Variants in NFX1 observed in about 807,000 individuals in gnomAD.
NFX1 encodes the protein nuclear transcription factor, X-box binding 1.
A neutral mutation model predicts 137.2 loss-of-function variants in NFX1; 69 were observed. The ratio of observed to expected loss-of-function variants is 0.50; its 90% CI spans 0.41 to 0.61. The LOEUF (loss-of-function observed/expected upper bound fraction) is 0.61, where lower values mean the gene tolerates loss of function less well. Ranked by LOEUF, NFX1 falls within the 20% of genes least tolerant of loss-of-function variation. NFX1 has a pLI of 0.00. For missense variants in NFX1, 1,167 were observed against 1,391.0 expected, an observed-to-expected ratio of 0.84 and a Z score of 2.56; for synonymous variants, 495 against 474.1, an observed-to-expected ratio of 1.04 and a Z score of -0.57.
intron 9 of NFX1, among the ~76,000 whole-genome samples, chr9:33,321,478 G>C (rs1822381550): frequency 6.6e-6 from 1 of 150,884 alleles, no homozygotes; most frequent in Admixed American, 6.6e-5. Context: ...CACAGCTTCA[G>C]TATAAGAGAC....
chr9:33,293,492 C>G (rs1821234572), intron 1 of NFX1, among the ~76,000 whole-genome samples: 1 of 152,204 alleles, frequency 6.6e-6, no homozygotes, highest in African/African-American at 2.4e-5. Context: ...GAGGTTGTTA[C>G]TATCTTCATT....
At position 33,307,297 on chromosome 9, in the gene NFX1, C is replaced by A. The variant is rs761334335; in HGVS notation, c.1374C>A (p.Asn458Lys). 6.2e-7 allele frequency: 1 copy of A among 1,612,720 alleles called. No homozygotes were observed. ...GCCAGGACTGCCCACATTCCTGTAA[C>A]CTGTAAGTTGGAATGCTAATTCCGT... ...QPGQDCPHSCNLLCHPGPCPP... is the reference protein window; with the variant it reads ...QPGQDCPHSCKLLCHPGPCPP... The change falls in exon 5 of 24, where the codon AAC becomes AAA. Residue 458 changes from asparagine (N) to lysine (K), a missense_variant and splice_region_variant. Coordinates refer to ENST00000379540, the MANE Select transcript of NFX1 (RefSeq NM_002504.6).
intron 1 of NFX1, among the ~76,000 whole-genome samples, chr9:33,294,093 C>T (rs831287): frequency 0.81 from 123,763 of 152,164 alleles, 50,497 homozygotes; most frequent in Non-Finnish European, 0.84. Context: ...ATGATTGATA[C>T]CCCTGAACTG....
chr9:33,310,854 T>C (rs867138434), intron 5 of NFX1, among the ~76,000 whole-genome samples: 1 of 152,236 alleles, frequency 6.6e-6, no homozygotes, highest in African/African-American at 2.4e-5. Flanking sequence ...CAGACCCAAA[T>C]ATAACCAGTA....
chr9:33,291,293 C>G (rs914380503), intron 1 of NFX1, among the ~76,000 whole-genome samples: 5 of 152,208 alleles, frequency 3.3e-5, no homozygotes, highest in African/African-American at 1.2e-4. Flanking sequence ...GCATCGCGAC[C>G]TTAAATATTG....
intron 6 of NFX1, among the ~76,000 whole-genome samples, chr9:33,311,663 C>G (rs1047171333): frequency 6.6e-6 from 1 of 152,126 alleles, no homozygotes; most frequent in Non-Finnish European, 1.5e-5. Context: ...AGCAATTCTC[C>G]TGCCTCAGCC....
chr9:33,318,538 C>T (rs80316528), intron 7 of NFX1, among the ~76,000 whole-genome samples, 193 bp from the exon 8 acceptor site: 3,753 of 152,222 alleles, frequency 0.025, 88 homozygotes, highest in Middle Eastern at 0.044. Context: ...AGCTCTTAGG[C>T]GGGTCTTAGA....
chr9:33,328,163 A>T (rs1433847051), intron 9 of NFX1, among the ~76,000 whole-genome samples: 2 of 149,778 alleles, frequency 1.3e-5, no homozygotes, highest in African/African-American at 4.9e-5. Flanking sequence ...GGCCTGCATC[A>T]CCACTCCTGG....
intron 11 of NFX1, among the ~76,000 whole-genome samples, chr9:33,335,885 A>G (rs1272064593): frequency 1.3e-5 from 2 of 152,162 alleles, no homozygotes; most frequent in African/African-American, 4.8e-5. Flanking sequence ...ATTCCTTTTT[A>G]TGATTGAATA....
At chr9:33,358,590 T>C (rs1823889420) in intron 19 of NFX1, among the ~76,000 whole-genome samples, 1 of 151,072 alleles carries the variant, frequency 6.6e-6, no homozygotes, top group Admixed American at 6.6e-5. Flanking sequence ...ATTTATGTGC[T>C]TCAGCAGGCA....
intron 7 of NFX1, 35 bp downstream of exon 7, chr9:33,313,828 G>A (rs1428483575): frequency 6.3e-7 from 1 of 1,597,042 alleles, no homozygotes; most frequent in Non-Finnish European, 8.6e-7. Context: ...CAATGCTTGT[G>A]TTCTTTTCTG....
Position 33,290,547 on chromosome 9 carries a change from G to C in NFX1, c.-26G>C, listed in dbSNP as rs1459529326. On this transcript the variant is annotated 5_prime_UTR_variant, in exon 1 of 24. Transcript: ENST00000379540. Reference sequence around the variant, plus strand: ...GTGACAGTGCTGACTTGGCTGTACAGCTCGATCTAGGTTCTGCGGCACGGG... The same window carrying C: ...GTGACAGTGCTGACTTGGCTGTACACCTCGATCTAGGTTCTGCGGCACGGG... 1 of 1,613,802 alleles carries C rather than the reference G, an allele frequency of 6.2e-7. No individual in the cohort carries two copies. Among genetic ancestry groups the C allele is most frequent in the Non-Finnish European group, 8.5e-7 (1 of 1,179,960 alleles).
In NFX1 at chr9:33,344,573, A is replaced by C. The variant is rs746009136; in HGVS notation, c.2344+385A>C. 3.1e-4 allele frequency among the ~76,000 whole-genome samples: 47 copies of C among 152,244 alleles called. 1 individual carries two copies. The highest frequency in any genetic ancestry group is 5.6e-4 in the Non-Finnish European group (38 of 68,032). ...ATATTTATCGTATTAAAATTAAGAA[A>C]ATAGAGGCCAGGGCCAGGCGCAGTG... On this transcript the variant is annotated intron_variant, in intron 14 of 23. Coordinates refer to ENST00000379540, the MANE Select transcript of NFX1 (RefSeq NM_002504.6).
At position 33,351,705 on chromosome 9, in the gene NFX1, C is replaced by T. The variant is rs773522181; in HGVS notation, c.2570C>T (p.Thr857Ile). The change falls in exon 16 of 24, where the codon ACC (threonine) becomes ATC (isoleucine). Residue 857 changes from threonine (T) to isoleucine (I), a missense_variant. Physicochemically the swap from Thr to Ile is moderately conservative, Grantham distance 89. Transcript: ENST00000379540. Reference protein sequence around the residue: ...LVDEPCKQPCTTPRADCGHPC... With the variant: ...LVDEPCKQPCITPRADCGHPC... ...GATGAGCCCTGCAAGCAGCCCTGCACCACCCCCAGAGCTGACTGTGGTCAC... is the reference window on the plus strand; with the variant it reads ...GATGAGCCCTGCAAGCAGCCCTGCATCACCCCCAGAGCTGACTGTGGTCAC... The T allele has an allele frequency of 6.2e-7, 1 of 1,613,998 alleles. No homozygotes were observed. The highest frequency in any genetic ancestry group is 2.2e-5 in the East Asian group (1 of 44,874).
At chr9:33,353,202 A>T (rs1823701986) in intron 17 of NFX1, among the ~76,000 whole-genome samples, 2 of 152,056 alleles carry the variant, frequency 1.3e-5, no homozygotes, top group African/African-American at 4.8e-5. Context: ...TTTTGGTCGT[A>T]TTACATTGTG....
Position 33,370,342 on chromosome 9 carries a change from G to T in NFX1, c.*364G>T. ...ATGCCACTAAGTCATAGCCTCAGTT[G>T]TCCCAGTTATTTGTCCTCCTGAAAA... On this transcript the variant is annotated 3_prime_UTR_variant, in exon 24 of 24. Coordinates refer to ENST00000379540, the MANE Select transcript of NFX1 (RefSeq NM_002504.6). The T allele has an allele frequency of 5.9e-6, 1 of 169,096 alleles. No homozygotes were observed. 10.5% of individuals were successfully genotyped at this position (169,096 alleles called of 1,614,324 possible).
chr9:33,298,216 CTT>C lies in NFX1; in HGVS notation c.1033+2791_1033+2792del, dbSNP rs1467113666. Among the ~76,000 whole-genome samples the C allele has an allele frequency of 2.0e-5, 3 of 152,284 alleles. No homozygotes were observed. In the South Asian group the frequency reaches 6.2e-4, roughly 32 times the overall value. ...AGTGCTATTTTACATAGGTTGACCT[CTT>C]TGATAAGGAGACATTTGAACAGAGA... is the stretch of plus-strand genomic sequence containing the variant. On this transcript the variant is annotated intron_variant, in intron 2 of 23. Coordinates refer to ENST00000379540, the MANE Select transcript of NFX1 (RefSeq NM_002504.6).
chr9:33,300,467 A>G (rs1485359946), intron 2 of NFX1, among the ~76,000 whole-genome samples: 1 of 152,186 alleles, frequency 6.6e-6, no homozygotes, highest in Admixed American at 6.5e-5. Flanking sequence ...CTGAAAGCAA[A>G]TAACAATAAT....
In NFX1 at chr9:33,294,860, A is replaced by G. The variant is rs1370175135; in HGVS notation, c.466A>G (p.Lys156Glu). ...AGAGCATAGTCCTTCTGAGAGTGAG[A>G]AGGAAGTTGTGGGTGCAGATCCCAG... ...LREHSPSESE[K>E]EVVGADPRGA... Residue 156 changes from lysine (K) to glutamate (E), a missense_variant, in exon 2 of 24, where the codon AAG becomes GAG. Physicochemically the swap from Lys to Glu is moderately conservative, Grantham distance 56. Coordinates refer to ENST00000379540, the MANE Select transcript of NFX1 (RefSeq NM_002504.6). The G allele has an allele frequency of 6.2e-7, 1 of 1,614,158 alleles. No homozygotes were observed.
Sources: allele counts gnomAD v4.1 joint callset (sites outside exome capture counted in the v4.1 genomes callset), GRCh38; gene constraint gnomAD v4.1.1; transcripts MANE v1.5; gene names NCBI Gene and HGNC (gene_info 2026-07-23, HGNC 2026-07-21).